STAT4: variants seen among roughly 807,000 people sequenced by gnomAD.
The protein encoded by STAT4 is signal transducer and activator of transcription 4.
A neutral mutation model predicts 110.5 loss-of-function variants in STAT4; 42 were observed. That is an observed-to-expected ratio of 0.38 (90% CI 0.30 to 0.49). The LOEUF (loss-of-function observed/expected upper bound fraction) is 0.49. STAT4 is among the 20% of genes least tolerant of loss of function. The pLI, the probability that STAT4 is intolerant of heterozygous loss-of-function variation, is 0.95. For missense variants in STAT4, 632 were observed against 887.9 expected (o/e 0.71, Z 3.66); for synonymous variants, 284 against 302.2 (o/e 0.94, Z 0.63).
intron 3 of STAT4, among the ~76,000 whole-genome samples, chr2:191,080,044 A>G (rs2125278999): frequency 6.6e-6 from 1 of 152,084 alleles, no homozygotes; most frequent in Non-Finnish European, 1.5e-5. Flanking sequence ...GTTAAAATCT[A>G]CTCTGTGAAT....
chr2:191,056,352 A>G (rs1696692064), intron 13 of STAT4, among the ~76,000 whole-genome samples: 1 of 152,234 alleles, frequency 6.6e-6, no homozygotes, highest in Non-Finnish European at 1.5e-5. Context: ...CTCTAGGTCA[A>G]GAGGAAGTGG....
chr2:191,073,642 A>C (rs1385650622), intron 4 of STAT4, among the ~76,000 whole-genome samples: 1 of 152,194 alleles, frequency 6.6e-6, no homozygotes, highest in African/African-American at 2.4e-5. Context: ...TTGAGCTGAG[A>C]TCGTGCCACT....
chr2:191,049,933 T>TG (rs1221316539), intron 14 of STAT4, among the ~76,000 whole-genome samples: 3 of 152,248 alleles, frequency 2.0e-5, no homozygotes, highest in African/African-American at 7.2e-5. Flanking sequence ...ATCAACTTGC[T>TG]GTGCAAATGC....
At position 191,135,723 on chromosome 2, in the gene STAT4, TC is replaced by T. The variant is rs1699162459; in HGVS notation, c.273+10889del. Among the ~76,000 whole-genome samples the T allele has an allele frequency of 6.6e-6, 1 of 152,174 alleles. No individual in the cohort carries two copies. The highest frequency in any genetic ancestry group is 2.4e-5 in the African/African-American group (1 of 41,442). On this transcript the variant is annotated intron_variant, in intron 3 of 23. Coordinates refer to ENST00000392320, the MANE Select transcript of STAT4 (RefSeq NM_003151.4). The surrounding 1 kb of genome is among the most constrained non-coding windows in gnomAD (Gnocchi z 4.8). ...CCTCAGGTGGTCACCTGCCTCAGCT[TC>T]CCAAAGTGCTGGGATTACAGGCATG... is the stretch of plus-strand genomic sequence containing the variant.
At chr2:191,069,452 A>C (rs970417436) in intron 6 of STAT4, among the ~76,000 whole-genome samples, 82 of 152,132 alleles carry the variant, frequency 5.4e-4, no homozygotes, top group African/African-American at 1.9e-3. Context: ...TTTATGTTGA[A>C]TTTGTTGGTA....
chr2:191,106,110 A>G (rs1698272202), intron 3 of STAT4, among the ~76,000 whole-genome samples: 1 of 152,152 alleles, frequency 6.6e-6, no homozygotes, highest in Non-Finnish European at 1.5e-5. Flanking sequence ...AGTTGAATTA[A>G]ATGTCATTAG....
chr2:191,030,002 C>T lies in STAT4; in HGVS notation c.2221-136G>A. ...CTATTACCTAGTTAAAATACTTAAA[C>T]TAAGTATTTGCAAAAGTAATTGGGG... is the stretch of plus-strand genomic sequence containing the variant. On this transcript the variant is annotated intron_variant, in intron 23 of 23. Coordinates refer to ENST00000392320, the MANE Select transcript of STAT4 (RefSeq NM_003151.4). The surrounding 1 kb of genome is among the most constrained non-coding windows in gnomAD (Gnocchi z 4.4). The T allele has an allele frequency of 7.1e-6, 5 of 703,722 alleles. No homozygotes were observed. The highest frequency in any genetic ancestry group is 1.9e-5 in the South Asian group (1 of 53,688). 43.6% of individuals were successfully genotyped at this position (703,722 alleles called of 1,614,324 possible).
intron 3 of STAT4, among the ~76,000 whole-genome samples, chr2:191,084,466 T>C (rs910646703): frequency 4.6e-5 from 7 of 152,038 alleles, no homozygotes; most frequent in Non-Finnish European, 1.0e-4. Flanking sequence ...GACATTACAA[T>C]TAATACATGT....
At chr2:191,036,029 G>T (rs1174624134) in intron 17 of STAT4, 135 bp downstream of exon 17, 5 of 1,096,186 alleles carry the variant, frequency 4.6e-6, no homozygotes, top group African/African-American at 1.6e-5. Flanking sequence ...TTAGTTCTGT[G>T]CCTGGCAATA....
rs954982117 is a variant in STAT4 at position 191,143,446 on chromosome 2, C to G, written c.273+3167G>C. Among the ~76,000 whole-genome samples the G allele has an allele frequency of 7.9e-5, 12 of 152,134 alleles. No homozygotes were observed. The highest frequency in any genetic ancestry group is 1.8e-4 in the Non-Finnish European group (12 of 68,016). On this transcript the variant is annotated intron_variant, in intron 3 of 23. Transcript: ENST00000392320. This position sits in a 1 kb window ranked among gnomAD's most constrained non-coding sequence, Gnocchi z 5.6. ...TTGCTCCTGGGTGTGAGTCTGCCTC[C>G]CCTTAAATAGGCCAAGGGCTGCTGA...
chr2:191,036,081 A>G (rs1696035381), intron 17 of STAT4, 83 bp downstream of exon 17: 1 of 1,452,436 alleles, frequency 6.9e-7, no homozygotes, highest in Non-Finnish European at 9.3e-7. Context: ...CTTTATTATT[A>G]GTAGTAGTAA....
At chr2:191,055,296 T>A (rs982524761) in intron 13 of STAT4, among the ~76,000 whole-genome samples, 1 of 151,554 alleles carries the variant, frequency 6.6e-6, no homozygotes, top group African/African-American at 2.4e-5. Flanking sequence ...CCTCCAGGGT[T>A]CATGCCATTT....
At chr2:191,067,050 CTTTTTTTTCTTTT>C (rs1697009584) in intron 6 of STAT4, among the ~76,000 whole-genome samples, 1 of 148,634 alleles carries the variant, frequency 6.7e-6, no homozygotes, top group Non-Finnish European at 1.5e-5. Flanking sequence ...CTTTCCCCCA[CTTTTTTTTCTTTT>C]TTTTTTTTTC....
At chr2:191,132,200 T>C (rs1345603828) in intron 3 of STAT4, among the ~76,000 whole-genome samples, 1 of 151,790 alleles carries the variant, frequency 6.6e-6, no homozygotes, top group Non-Finnish European at 1.5e-5. Context: ...TTATTGCTCA[T>C]ACTGTCTTGG....
intron 8 of STAT4, 64 bp downstream of exon 8, chr2:191,064,743 G>C (rs1400837726): frequency 1.8e-5 from 28 of 1,558,624 alleles, no homozygotes; most frequent in Non-Finnish European, 2.3e-5. Flanking sequence ...TTCTCTGGCT[G>C]AGTGACACTG....
At position 191,138,663 on chromosome 2, in the gene STAT4, A is replaced by C. The variant is rs926575449; in HGVS notation, c.273+7950T>G. 6.6e-6 allele frequency among the ~76,000 whole-genome samples: 1 copy of C among 152,206 alleles called. No individual in the cohort carries two copies. The highest frequency in any genetic ancestry group is 2.4e-5 in the African/African-American group (1 of 41,448). ...CCAGGACCAGATGGATTCACAGCTG[A>C]ATTCTATCAGACATTCAAAGAAGAA... On this transcript the variant is annotated intron_variant, in intron 3 of 23. Coordinates refer to ENST00000392320, the MANE Select transcript of STAT4 (RefSeq NM_003151.4). The surrounding 1 kb of genome is among the most constrained non-coding windows in gnomAD (Gnocchi z 4.3).
rs975062230 is a variant in STAT4 at position 191,060,479 on chromosome 2, C to T, written c.1034+1250G>A. Among the ~76,000 whole-genome samples the T allele has an allele frequency of 3.9e-5, 6 of 152,174 alleles. No homozygotes were observed. The highest frequency in any genetic ancestry group is 2.1e-4 in the South Asian group (1 of 4,834). On this transcript the variant is annotated intron_variant, in intron 10 of 23. Transcript: ENST00000392320. This position sits in a 1 kb window ranked among gnomAD's most constrained non-coding sequence, Gnocchi z 4.5. ...TGTTGCCCAGCCTGAAGTGCAGTGG[C>T]GTGAGTGCAGTGTACTGCAACCTCT...
intron 8 of STAT4, 76 bp downstream of exon 8, chr2:191,064,731 C>T (rs570777018): frequency 6.7e-5 from 102 of 1,529,788 alleles, no homozygotes; most frequent in Admixed American, 2.1e-4. Flanking sequence ...TCTAAACCTG[C>T]GTTCTCTGGC....
At chr2:191,145,927 A>ACTCACCC (rs1699449230) in intron 3 of STAT4, among the ~76,000 whole-genome samples, 1 of 152,020 alleles carries the variant, frequency 6.6e-6, no homozygotes, top group African/African-American at 2.4e-5. Context: ...TACTTGATTT[A>ACTCACCC]CTCACCCCTT....
Sources: gnomAD v4.1 joint callset for allele counts (sites outside exome capture counted in the v4.1 genomes callset) on GRCh38, gnomAD v4.1.1 for gene constraint, Gnocchi (gnomAD v3.1) non-coding constraint, MANE v1.5 for transcripts, NCBI Gene and HGNC (gene_info 2026-07-23, HGNC 2026-07-21) for gene names.